Variants in POMC observed in about 807,000 individuals in gnomAD.
The protein encoded by POMC is proopiomelanocortin, also known as pro-opiomelanocortin.
A neutral mutation model predicts 18.5 loss-of-function variants in POMC; 19 were observed. That is an observed-to-expected ratio of 1.03 (90% CI 0.72 to 1.51). The LOEUF (loss-of-function observed/expected upper bound fraction) is 1.51. Ranked by LOEUF, POMC falls within the 40% of genes most tolerant of loss-of-function variation. The pLI is 0.00. For synonymous variants in POMC, 179 were observed against 161.9 expected (o/e 1.11, Z -0.80); for missense variants, 451 against 379.0 (o/e 1.19, Z -1.58).
At position 25,161,451 on chromosome 2, in the gene POMC, C is replaced by T. The variant is rs45463492; in HGVS notation, c.434G>A (p.Arg145His). The change falls in exon 3 of 3, where the codon CGC becomes CAC. Residue 145 changes from arginine to histidine, a missense_variant. By Grantham distance (29) the Arg-to-His change is conservative. Transcript: ENST00000395826. The surrounding 1 kb of genome is among the most constrained non-coding windows in gnomAD (Gnocchi z 5.7). ...CTTCTTGCCCACCGGCTTGCCCCAG[C>T]GGAAGTGCTCCATGGAGTAGGAGCG... is the stretch of plus-strand genomic sequence containing the variant. ...GKRSYSMEHF[R>H]WGKPVGKKRR... 44 of 1,609,972 alleles carry T rather than the reference C, an allele frequency of 2.7e-5. No individual in the cohort carries two copies. The African/African-American group carries it at 5.6e-4, about 21-fold the overall frequency.
intron 1 of POMC, among the ~76,000 whole-genome samples, chr2:25,167,084 T>C (rs538154598): frequency 5.6e-4 from 85 of 152,330 alleles, no homozygotes; most frequent in African/African-American, 1.9e-3. Flanking sequence ...CTCTATGAGC[T>C]CAACAAATCA....
chr2:25,161,373 G>C lies in POMC; in HGVS notation c.512C>G (p.Ala171Gly), dbSNP rs967942219. 2.5e-6 allele frequency: 4 copies of C among 1,605,764 alleles called. No individual in the cohort carries two copies. Among genetic ancestry groups the C allele is most frequent in the Non-Finnish European group, 3.4e-6 (4 of 1,176,600 alleles). Residue 171 changes from alanine to glycine, a missense_variant, in exon 3 of 3, where the codon GCC (alanine) becomes GGC (glycine). By Grantham distance (60) the Ala-to-Gly change is moderately conservative (BLOSUM62 0). Coordinates refer to ENST00000395826, the MANE Select transcript of POMC (RefSeq NM_000939.4). This position sits in a 1 kb window ranked among gnomAD's most constrained non-coding sequence, Gnocchi z 5.7. ...PNGAEDESAEAFPLEFKRELT... is the reference protein window; with the variant it reads ...PNGAEDESAEGFPLEFKRELT... ...CTCCCTCTTGAACTCCAGGGGGAAG[G>C]CCTCGGCCGACTCGTCCTCGGCGCC...
At position 25,164,763 on chromosome 2, in the gene POMC, A is replaced by T. The variant is rs1288272114; in HGVS notation, c.10T>A (p.Ser4Thr). The T allele has an allele frequency of 6.2e-7, 1 of 1,613,734 alleles. No individual in the cohort carries two copies. Among genetic ancestry groups the T allele is most frequent in the Non-Finnish European group, 8.5e-7 (1 of 1,180,038 alleles). The change falls in exon 2 of 3, where the codon TCG becomes ACG. Residue 4 changes from serine (S) to threonine (T), a missense_variant. Transcript: ENST00000395826. ...AGGGCCCCCGAGCGGCTGCAGCACG[A>T]TCTCGGCATCTTCCAGGCAGGCTGA... Reference protein sequence around the residue: MPRSCCSRSGALLL... With the variant: MPRTCCSRSGALLL...
At position 25,160,892 on chromosome 2, in the gene POMC, C is replaced by G; in HGVS notation, c.*189G>C. On this transcript the variant is annotated 3_prime_UTR_variant, in exon 3 of 3. Coordinates refer to ENST00000395826, the MANE Select transcript of POMC (RefSeq NM_000939.4). ...GCTACGTATTTTTACTTTATTCACA[C>G]AGTTTACATTCAAAGTCAGAGGTGG... 1.1e-6 allele frequency: 1 copy of G among 938,720 alleles called. No individual in the cohort carries two copies. The allele number at this position is 938,720 out of a possible 1,614,324, so 58.1% of individuals were successfully genotyped here. A position where few individuals can be genotyped will look rare whatever the true frequency, so the allele number is the denominator to read the frequency against.
chr2:25,164,667 C>A lies in POMC; in HGVS notation c.106G>T (p.Asp36Tyr). 1 of 1,614,164 alleles carries A rather than the reference C, an allele frequency of 6.2e-7. No individual in the cohort carries two copies. The highest frequency in any genetic ancestry group is 8.5e-7 in the Non-Finnish European group (1 of 1,180,022). Reference sequence around the variant, plus strand: ...AGCAGGTTGCTTTCCGTGGTGAGGTCCTGACACTGGCTGCTCTCCAGGCAC... The same window carrying A: ...AGCAGGTTGCTTTCCGTGGTGAGGTACTGACACTGGCTGCTCTCCAGGCAC... The part of the protein sequence containing the change: ...GWCLESSQCQ[D>Y]LTTESNLLEC... Residue 36 changes from aspartate to tyrosine, a missense_variant, in exon 2 of 3, where the codon GAC becomes TAC. Physicochemically the swap from Asp to Tyr is radical, Grantham distance 160 (BLOSUM62 -3). Transcript: ENST00000395826.
chr2:25,167,275 A>G (rs1437955958), intron 1 of POMC, among the ~76,000 whole-genome samples: 1 of 152,164 alleles, frequency 6.6e-6, no homozygotes, highest in Admixed American at 6.5e-5. Flanking sequence ...ATAAACTGAC[A>G]CACACACAAA....
At position 25,161,161 on chromosome 2, in the gene POMC, TC is replaced by T; in HGVS notation, c.723del (p.Met241IlefsTer11). The T allele has an allele frequency of 6.2e-7, 1 of 1,613,698 alleles. No individual in the cohort carries two copies. Among genetic ancestry groups the T allele is most frequent in the South Asian group, 1.1e-5 (1 of 91,064 alleles). ...AGGGGCGTCTGGCTCTTCTCGGAGG[TC>T]ATGAAACCGCCGTAGCGCTTGTCCT... is the stretch of plus-strand genomic sequence containing the variant. Reference protein sequence around the residue: ...PPKDKRYGGFMTSEKSQTPLV... With the variant: ...PPKDKRYGGFXTSEKSQTPLV... On this transcript the variant is annotated frameshift_variant, in exon 3 of 3. Transcript: ENST00000395826. LOFTEE classifies it high-confidence loss of function. The surrounding 1 kb of genome is among the most constrained non-coding windows in gnomAD (Gnocchi z 5.7).
rs369203419 is a variant in POMC at position 25,161,056 on chromosome 2, G to C, written c.*25C>G. 6.2e-7 allele frequency: 1 copy of C among 1,613,926 alleles called. No individual in the cohort carries two copies. The highest frequency in any genetic ancestry group is 2.2e-5 in the East Asian group (1 of 44,868). ...TTTGGGGTCGACCTCCTGGGGGAGGGTAGCCCTGGGGCCCCGCTGTGCCCT... is the reference window on the plus strand; with the variant it reads ...TTTGGGGTCGACCTCCTGGGGGAGGCTAGCCCTGGGGCCCCGCTGTGCCCT... On this transcript the variant is annotated 3_prime_UTR_variant, in exon 3 of 3. Coordinates refer to ENST00000395826, the MANE Select transcript of POMC (RefSeq NM_000939.4). This position sits in a 1 kb window ranked among gnomAD's most constrained non-coding sequence, Gnocchi z 5.7.
chr2:25,165,657 C>G (rs1268811453), intron 1 of POMC: 1 of 152,142 alleles, frequency 6.6e-6, no homozygotes, highest in Non-Finnish European at 1.5e-5. Context: ...ACAGCCACTG[C>G]AGATACTTTT....
chr2:25,162,279 A>G (rs1442516620), intron 2 of POMC, among the ~76,000 whole-genome samples: 1 of 152,008 alleles, frequency 6.6e-6, no homozygotes, highest in African/African-American at 2.4e-5. Flanking sequence ...GTGAAATACC[A>G]TCTCTAGTAT....
At position 25,161,564 on chromosome 2, in the gene POMC, G is replaced by C. The variant is rs1377850721; in HGVS notation, c.321C>G (p.Val107=). ...GCGGGCCGCAGTCTTCGCCCGCTGA[G>C]ACGTCCTCGCGCTTCTGCCCTGCGC... ...SSGAGQKRED[V]SAGEDCGPLP... Residue 107 remains valine, a synonymous_variant, in exon 3 of 3, where the codon GTC becomes GTG. Transcript: ENST00000395826. This position sits in a 1 kb window ranked among gnomAD's most constrained non-coding sequence, Gnocchi z 5.7. 1 of 1,568,734 alleles carries C rather than the reference G, an allele frequency of 6.4e-7. No individual in the cohort carries two copies.
Position 25,161,529 on chromosome 2 carries a change from C to T in POMC, c.356G>A (p.Gly119Asp), listed in dbSNP as rs1250199550. ...AGEDCGPLPE[G>D]GPEPRSDGAK... is the part of the protein sequence containing the mutation. Reference sequence around the variant, plus strand: ...ACCATCGCTGCGGGGCTCGGGGCCGCCCTCAGGCAGCGGGCCGCAGTCTTC... The same window carrying T: ...ACCATCGCTGCGGGGCTCGGGGCCGTCCTCAGGCAGCGGGCCGCAGTCTTC... The change falls in exon 3 of 3, where the codon GGC (glycine) becomes GAC (aspartate). Residue 119 changes from glycine to aspartate, a missense_variant. Coordinates refer to ENST00000395826, the MANE Select transcript of POMC (RefSeq NM_000939.4). The surrounding 1 kb of genome is among the most constrained non-coding windows in gnomAD (Gnocchi z 5.7). The T allele has an allele frequency of 6.3e-7, 1 of 1,586,214 alleles. No individual in the cohort carries two copies. Among genetic ancestry groups the T allele is most frequent in the Non-Finnish European group, 8.6e-7 (1 of 1,166,664 alleles).
intron 1 of POMC, among the ~76,000 whole-genome samples, chr2:25,166,668 C>T (rs1306939969): frequency 2.0e-5 from 3 of 152,218 alleles, no homozygotes; most frequent in Non-Finnish European, 4.4e-5. Context: ...CATTTCCCCT[C>T]CTTATGCCCT....
chr2:25,160,944 C>G lies in POMC; in HGVS notation c.*137G>C. On this transcript the variant is annotated 3_prime_UTR_variant, in exon 3 of 3. Transcript: ENST00000395826. ...TGTGAAATTTGAAAGGTTTTATTTC[C>G]TAACTACAGGCAGCTTTAAGAGGCT... is the stretch of plus-strand genomic sequence containing the variant. 1 of 1,389,970 alleles carries G rather than the reference C, an allele frequency of 7.2e-7. No individual in the cohort carries two copies. The highest frequency in any genetic ancestry group is 9.6e-7 in the Non-Finnish European group (1 of 1,036,288). The allele number at this position is 1,389,970 out of a possible 1,614,324, so 86.1% of individuals were successfully genotyped here. A position where few individuals can be genotyped will look rare whatever the true frequency, so the allele number is the denominator to read the frequency against.
In POMC at chr2:25,161,573, G is replaced by T. The variant is rs1020449183; in HGVS notation, c.312C>A (p.Arg104=). Residue 104 remains arginine, a synonymous_variant, in exon 3 of 3, where the codon CGC becomes CGA. Coordinates refer to ENST00000395826, the MANE Select transcript of POMC (RefSeq NM_000939.4). This position sits in a 1 kb window ranked among gnomAD's most constrained non-coding sequence, Gnocchi z 5.7. Reference sequence around the variant, plus strand: ...AGTCTTCGCCCGCTGAGACGTCCTCGCGCTTCTGCCCTGCGCCGCTGCTGC... The same window carrying T: ...AGTCTTCGCCCGCTGAGACGTCCTCTCGCTTCTGCCCTGCGCCGCTGCTGC... The part of the protein sequence containing the change: ...SSGSSGAGQK[R]EDVSAGEDCG... 1 of 1,553,528 alleles carries T rather than the reference G, an allele frequency of 6.4e-7. No homozygotes were observed. The highest frequency in any genetic ancestry group is 1.2e-5 in the South Asian group (1 of 84,638).
At position 25,161,873 on chromosome 2, in the gene POMC, G is replaced by A. The variant is rs1305965041; in HGVS notation, c.133-121C>T. On this transcript the variant is annotated intron_variant, in intron 2 of 2. Transcript: ENST00000395826. This position sits in a 1 kb window ranked among gnomAD's most constrained non-coding sequence, Gnocchi z 5.7. ...CCACGTGCCGAGGACACAGGGCACA[G>A]TGTCGGGCGTGTCAAGCGTCGAGGC... The A allele has an allele frequency of 3.5e-6, 5 of 1,423,148 alleles. No homozygotes were observed. In the East Asian group the frequency reaches 1.3e-4, roughly 36 times the overall value. The allele number at this position is 1,423,148 out of a possible 1,614,324, so 88.2% of individuals were successfully genotyped here. A position where few individuals can be genotyped will look rare whatever the true frequency, so the allele number is the denominator to read the frequency against.
rs752644128 is a variant in POMC at position 25,161,709 on chromosome 2, G to A, written c.176C>T (p.Pro59Leu). ...CTCGTCGCCATTTCCCGGGAACATGGGAGTCTCGGCCGAGAGGTCGGGCTT... is the reference window on the plus strand; with the variant it reads ...CTCGTCGCCATTTCCCGGGAACATGAGAGTCTCGGCCGAGAGGTCGGGCTT... ...ACKPDLSAET[P>L]MFPGNGDEQP... Residue 59 changes from proline to leucine, a missense_variant, in exon 3 of 3, where the codon CCC becomes CTC. Physicochemically the swap from Pro to Leu is moderately conservative, Grantham distance 98. Transcript: ENST00000395826. This position sits in a 1 kb window ranked among gnomAD's most constrained non-coding sequence, Gnocchi z 5.7. The A allele has an allele frequency of 4.3e-5, 69 of 1,590,818 alleles. No homozygotes were observed. Among genetic ancestry groups the A allele is most frequent in the Non-Finnish European group, 4.2e-5 (49 of 1,169,846 alleles).
intron 2 of POMC, among the ~76,000 whole-genome samples, chr2:25,164,344 T>C (rs1235239302): frequency 6.6e-6 from 1 of 152,152 alleles, no homozygotes; most frequent in South Asian, 2.1e-4. Context: ...GGGTCCATTA[T>C]TGCTCTTATA....
In POMC at chr2:25,161,453, G is replaced by A; in HGVS notation, c.432C>T (p.Phe144=). Residue 144 remains phenylalanine, a synonymous_variant, in exon 3 of 3, where the codon TTC becomes TTT. Transcript: ENST00000395826. The surrounding 1 kb of genome is among the most constrained non-coding windows in gnomAD (Gnocchi z 5.7). Reference sequence around the variant, plus strand: ...TCTTGCCCACCGGCTTGCCCCAGCGGAAGTGCTCCATGGAGTAGGAGCGCT... The same window carrying A: ...TCTTGCCCACCGGCTTGCCCCAGCGAAAGTGCTCCATGGAGTAGGAGCGCT... The part of the protein sequence containing the change: ...EGKRSYSMEH[F]RWGKPVGKKR... The A allele has an allele frequency of 1.9e-6, 3 of 1,610,148 alleles. No individual in the cohort carries two copies. Among genetic ancestry groups the A allele is most frequent in the South Asian group, 2.2e-5 (2 of 90,610 alleles).
Sources: allele counts gnomAD v4.1 joint callset (sites outside exome capture counted in the v4.1 genomes callset), GRCh38; gene constraint gnomAD v4.1.1; non-coding constraint Gnocchi (gnomAD v3.1); transcripts MANE v1.5; gene names NCBI Gene and HGNC (gene_info 2026-07-23, HGNC 2026-07-21).